The following VPS13A variants were observed in gnomAD, a reference collection of about 807,000 sequenced individuals.
VPS13A encodes vacuolar protein sorting 13 homolog A, also known as intermembrane lipid transfer protein VPS13A.
Under a neutral mutation model 390.9 loss-of-function variants are expected in VPS13A, and 264 were observed. That is an observed-to-expected ratio of 0.68 (90% CI 0.61 to 0.75). The LOEUF (loss-of-function observed/expected upper bound fraction) is 0.75. Ranked by LOEUF, VPS13A falls within the 30% of genes least tolerant of loss-of-function variation. The pLI is 0.00. For missense variants in VPS13A, 3,409 were observed against 3,733.9 expected (o/e 0.91, Z 2.27); for synonymous variants, 1,231 against 1,227.1 (o/e 1.00, Z -0.07).
At chr9:77,280,876 A>G (rs1564691600) in intron 27 of VPS13A, among the ~76,000 whole-genome samples, 1 of 152,198 alleles carries the variant, frequency 6.6e-6, no homozygotes, top group Non-Finnish European at 1.5e-5. Flanking sequence ...TTTATGTAGC[A>G]AAAGTATTCT....
chr9:77,290,712 A>G (rs1021416472), intron 31 of VPS13A, among the ~76,000 whole-genome samples: 4 of 152,138 alleles, frequency 2.6e-5, no homozygotes, highest in Non-Finnish European at 5.9e-5. Flanking sequence ...GGCTCTGATG[A>G]GTGTACTGAC....
At chr9:77,316,803 A>G (rs1258069000) in intron 39 of VPS13A, among the ~76,000 whole-genome samples, 2 of 152,022 alleles carry the variant, frequency 1.3e-5, no homozygotes, top group Non-Finnish European at 2.9e-5. Context: ...TTGCTCAAAT[A>G]ATGAGTTTTT....
intron 1 of VPS13A, among the ~76,000 whole-genome samples, chr9:77,193,423 C>A (rs1167291936): frequency 2.0e-5 from 3 of 152,114 alleles, no homozygotes; most frequent in African/African-American, 7.2e-5. Flanking sequence ...CACTTGAGGT[C>A]AGGTGTTCAA....
In VPS13A at chr9:77,316,258, A is replaced by G. The variant is rs1829379545; in HGVS notation, c.4715A>G (p.Asn1572Ser). ...EIVFVADMTKNDAPALVITTQ... is the reference protein window; with the variant it reads ...EIVFVADMTKSDAPALVITTQ... The stretch of plus-strand genomic sequence containing the variant: ...GTGTTTGTAGCTGACATGACAAAAA[A>G]TGATGCTCCTGCTTTAGTCATTACA... Residue 1572 changes from asparagine to serine, a missense_variant, in exon 39 of 72, where the codon AAT becomes AGT. Transcript: ENST00000360280. The G allele has an allele frequency of 6.2e-7, 1 of 1,613,360 alleles. No individual in the cohort carries two copies. Among genetic ancestry groups the G allele is most frequent in the African/African-American group, 1.3e-5 (1 of 75,012 alleles).
intron 1 of VPS13A, among the ~76,000 whole-genome samples, chr9:77,192,134 A>C (rs1040987756): frequency 6.6e-6 from 1 of 151,992 alleles, no homozygotes; most frequent in Non-Finnish European, 1.5e-5. Context: ...TGTTGGTTTC[A>C]AGTCTGTTTT....
At chr9:77,254,898 A>G (rs1328584347) in intron 22 of VPS13A, among the ~76,000 whole-genome samples, 1 of 152,210 alleles carries the variant, frequency 6.6e-6, no homozygotes, top group African/African-American at 2.4e-5. Flanking sequence ...AAGTTCTAAC[A>G]GATTTAAGAT....
chr9:77,375,134 G>C (rs1295566152), intron 67 of VPS13A, among the ~76,000 whole-genome samples: 3 of 152,064 alleles, frequency 2.0e-5, no homozygotes, highest in African/African-American at 7.2e-5. Flanking sequence ...AACATATGAA[G>C]GCTTCTTTCA....
chr9:77,378,276 C>CT (rs1245886030), intron 67 of VPS13A, among the ~76,000 whole-genome samples: 1 of 152,024 alleles, frequency 6.6e-6, no homozygotes, highest in Admixed American at 6.6e-5. Flanking sequence ...GTGAAACCGT[C>CT]TGATTCTTAC....
intron 67 of VPS13A, among the ~76,000 whole-genome samples, chr9:77,374,868 T>A (rs1187898621): frequency 6.6e-6 from 1 of 152,176 alleles, no homozygotes; most frequent in African/African-American, 2.4e-5. Flanking sequence ...GCTGTCTTCC[T>A]AATCTTTTTC....
At chr9:77,337,688 A>G (rs1241383108) in intron 47 of VPS13A, 151 bp downstream of exon 47, 14 of 724,084 alleles carry the variant, frequency 1.9e-5, no homozygotes, top group Non-Finnish European at 2.6e-5. Flanking sequence ...TGCAACAAGT[A>G]TGAGAATTAT....
At chr9:77,239,995 A>AT (rs1327772842) in intron 19 of VPS13A, among the ~76,000 whole-genome samples, 3 of 117,448 alleles carry the variant, frequency 2.6e-5, no homozygotes, top group African/African-American at 6.1e-5. Context: ...CCCATATACT[A>AT]TTTTTTTTAC....
intron 1 of VPS13A, among the ~76,000 whole-genome samples, chr9:77,182,402 T>C (rs1824076648): frequency 6.6e-6 from 1 of 152,168 alleles, no homozygotes. Flanking sequence ...CCATTTCACA[T>C]ATTTTCTTTA....
intron 16 of VPS13A, 59 bp downstream of exon 16, chr9:77,227,544 A>G: frequency 1.5e-6 from 2 of 1,320,726 alleles, no homozygotes; most frequent in Non-Finnish European, 1.1e-6. Flanking sequence ...TTGTTTAGAG[A>G]CAGGGTCTCA....
intron 45 of VPS13A, among the ~76,000 whole-genome samples, chr9:77,326,590 A>T (rs1830030184): frequency 1.3e-5 from 2 of 150,080 alleles, no homozygotes; most frequent in Admixed American, 6.6e-5. Context: ...TTTATTTTCC[A>T]TTGTCTCTTT....
intron 51 of VPS13A, among the ~76,000 whole-genome samples, chr9:77,344,486 G>T (rs1035711880): frequency 6.6e-6 from 1 of 152,044 alleles, no homozygotes; most frequent in Non-Finnish European, 1.5e-5. Context: ...GGCCGGGTGC[G>T]GTGGCTCACG....
chr9:77,241,321 A>G (rs554071235), intron 19 of VPS13A, among the ~76,000 whole-genome samples: 37 of 152,106 alleles, frequency 2.4e-4, no homozygotes, highest in African/African-American at 8.9e-4. Flanking sequence ...CTCTTCATTA[A>G]GTTTAATTTC....
chr9:77,401,439 T>C (rs1400958452), intron 68 of VPS13A, among the ~76,000 whole-genome samples: 1 of 152,056 alleles, frequency 6.6e-6, no homozygotes, highest in Non-Finnish European at 1.5e-5. Context: ...GAATAAGATA[T>C]GGATTTCCAT....
intron 67 of VPS13A, among the ~76,000 whole-genome samples, chr9:77,375,750 TAAC>T (rs1163463595): frequency 1.3e-5 from 2 of 152,198 alleles, no homozygotes; most frequent in African/African-American, 2.4e-5. Context: ...TGAATAGAGT[TAAC>T]AAGCTACCTA....
At position 77,283,611 on chromosome 9, in the gene VPS13A, A is replaced by T. The variant is rs1827168366; in HGVS notation, c.3300A>T (p.Ile1100=). The T allele has an allele frequency of 6.8e-6, 11 of 1,613,150 alleles. No homozygotes were observed. Among genetic ancestry groups the T allele is most frequent in the Non-Finnish European group, 9.3e-6 (11 of 1,179,492 alleles). ...AAATAAACGCAAAGCTAAGGAATAT[A>T]ATTGTTTTAGATTCTGATATAACAG... The part of the protein sequence containing the change: ...ETEINAKLRN[I]IVLDSDITAI... The change falls in exon 31 of 72, where the codon ATA becomes ATT. Residue 1100 remains isoleucine (I), a synonymous_variant. Coordinates refer to ENST00000360280, the MANE Select transcript of VPS13A (RefSeq NM_033305.3).
Sources: allele counts gnomAD v4.1 joint callset (sites outside exome capture counted in the v4.1 genomes callset), GRCh38; gene constraint gnomAD v4.1.1; transcripts MANE v1.5; gene names NCBI Gene and HGNC (gene_info 2026-07-23, HGNC 2026-07-21).